The following ELFN1 variants were observed in gnomAD, a reference collection of about 807,000 sequenced individuals.
The protein encoded by ELFN1 is protein ELFN1.
In ELFN1, 6 loss-of-function variants were observed where a neutral mutation model predicts 7.6. The observed-to-expected ratio is 0.79, with a 90% CI of 0.43 to 1.56. ELFN1 has a LOEUF of 1.56. Ranked by LOEUF, ELFN1 falls within the 40% of genes most tolerant of loss-of-function variation. The pLI, the probability that ELFN1 is intolerant of heterozygous loss-of-function variation, is 0.01. For missense variants in ELFN1, 1,169 were observed against 1,232.2 expected (o/e 0.95, Z 0.77); for synonymous variants, 657 against 588.1 (o/e 1.12, Z -1.70).
intron 2 of ELFN1, among the ~76,000 whole-genome samples, chr7:1,696,972 C>G (rs372070975): frequency 2.0e-5 from 3 of 152,228 alleles, no homozygotes; most frequent in African/African-American, 7.2e-5. Context: ...AGGGACTGCT[C>G]GTCCCCTTTC....
intron 2 of ELFN1, among the ~76,000 whole-genome samples, chr7:1,696,939 A>T (rs1346141844): frequency 6.6e-6 from 1 of 152,182 alleles, no homozygotes; most frequent in African/African-American, 2.4e-5. Context: ...GCCACAGGAA[A>T]TGACCACGAG....
At chr7:1,690,148 G>A (rs1281747787) in intron 2 of ELFN1, among the ~76,000 whole-genome samples, 2 of 152,044 alleles carry the variant, frequency 1.3e-5, no homozygotes, top group African/African-American at 4.8e-5. Context: ...TGGATGGATG[G>A]ATGGATAGGT....
In ELFN1 at chr7:1,745,203, C is replaced by T. The variant is rs1365017441; in HGVS notation, c.607C>T (p.Arg203Cys). The change falls in exon 4 of 4, where the codon CGC becomes TGC. Residue 203 changes from arginine (R) to cysteine (C), a missense_variant. This residue lies in a region of ELFN1 where 255 missense variants were observed against 359.6 expected (regional missense o/e 0.71). Coordinates refer to ENST00000424383, the MANE Select transcript of ELFN1 (RefSeq NM_001128636.4). ...CTCCTGCGAGCTGCTGGGCTTCCTG[C>T]GCTGGCTGGCCGCCTTCACCAACGC... ...YCSCELLGFLRWLAAFTNATQ... is the reference protein window; with the variant it reads ...YCSCELLGFLCWLAAFTNATQ... 9 of 1,544,484 alleles carry T rather than the reference C, an allele frequency of 5.8e-6. No individual in the cohort carries two copies. The highest frequency in any genetic ancestry group is 7.8e-6 in the Non-Finnish European group (9 of 1,146,928).
chr7:1,675,667 C>T (rs1369904484), intron 1 of ELFN1, among the ~76,000 whole-genome samples: 1 of 152,242 alleles, frequency 6.6e-6, no homozygotes, highest in Admixed American at 6.5e-5. Context: ...GGGGGGCTCC[C>T]CAGACCCTCG....
In ELFN1 at chr7:1,747,843, GT is replaced by G. The variant is rs1046160046; in HGVS notation, c.*763del. On this transcript the variant is annotated 3_prime_UTR_variant, in exon 4 of 4. Coordinates refer to ENST00000424383, the MANE Select transcript of ELFN1 (RefSeq NM_001128636.4). Reference sequence around the variant, plus strand: ...AAAAAAATATTTCTATATTTGCAATGTTTGCTGTAAAATGAGAAAGAAAAAA... The same window carrying G: ...AAAAAAATATTTCTATATTTGCAATGTTGCTGTAAAATGAGAAAGAAAAAA... The G allele has an allele frequency of 1.9e-5, 3 of 156,620 alleles. No individual in the cohort carries two copies. The highest frequency in any genetic ancestry group is 4.5e-5 in the Non-Finnish European group (3 of 66,486). 9.7% of individuals were successfully genotyped at this position (156,620 alleles called of 1,614,324 possible).
intron 2 of ELFN1, among the ~76,000 whole-genome samples, chr7:1,702,870 G>A (rs986855847): frequency 2.6e-5 from 4 of 151,014 alleles, no homozygotes; most frequent in Admixed American, 2.0e-4. Flanking sequence ...CAGAGTGGTG[G>A]CAGCAAGTAT....
intron 1 of ELFN1, among the ~76,000 whole-genome samples, chr7:1,671,870 C>A (rs1465553291): frequency 1.1e-4 from 16 of 152,208 alleles, no homozygotes; most frequent in Non-Finnish European, 4.4e-5. Context: ...ACCCCCTCAC[C>A]TGGATTTGAG....
rs1780752873 is a variant in ELFN1 at position 1,745,495 on chromosome 7, C to T, written c.899C>T (p.Thr300Ile). 6.5e-7 allele frequency: 1 copy of T among 1,543,904 alleles called. No homozygotes were observed. The highest frequency in any genetic ancestry group is 8.7e-7 in the Non-Finnish European group (1 of 1,146,790). ...GATGAGTGCTTCTCCGGGGACGGCA[C>T]CACGCCACTGGTGGCCCTGCCCACG... Reference protein sequence around the residue: ...ADDECFSGDGTTPLVALPTLA... With the variant: ...ADDECFSGDGITPLVALPTLA... Residue 300 changes from threonine (T) to isoleucine (I), a missense_variant, in exon 4 of 4, where the codon ACC (threonine) becomes ATC (isoleucine). Around this residue, in one of 2 missense-constraint regions of ELFN1, gnomAD observed 914 missense variants for 872.6 expected, o/e 1.05. Transcript: ENST00000424383.
upstream of ELFN1, among the ~76,000 whole-genome samples, chr7:1,667,414 G>A (rs1274931801): frequency 6.6e-6 from 1 of 152,012 alleles, no homozygotes; most frequent in Non-Finnish European, 1.5e-5. This position sits in a 1 kb window ranked among gnomAD's most constrained non-coding sequence, Gnocchi z 8.2. Flanking sequence ...GGGCAGGGGG[G>A]ACCCGCGAAG....
intron 1 of ELFN1, among the ~76,000 whole-genome samples, chr7:1,687,008 C>T (rs190165215): frequency 6.1e-4 from 93 of 151,942 alleles, no homozygotes; most frequent in African/African-American, 2.1e-3. Flanking sequence ...TTCTGCCAGA[C>T]GAGAGTCTGT....
chr7:1,712,226 C>T (rs892154552), intron 3 of ELFN1, among the ~76,000 whole-genome samples: 4 of 152,182 alleles, frequency 2.6e-5, no homozygotes, highest in Non-Finnish European at 5.9e-5. Context: ...CTCTGTCGCC[C>T]AGGCTGGAGT....
At chr7:1,666,135 C>G (rs573019058), upstream of ELFN1, among the ~76,000 whole-genome samples, 1 of 152,180 alleles carries the variant, frequency 6.6e-6, no homozygotes, top group African/African-American at 2.4e-5. The surrounding 1 kb of genome is among the most constrained non-coding windows in gnomAD (Gnocchi z 7.9). Context: ...TCGCCCGCGA[C>G]AGTGCCTCCA....
intron 3 of ELFN1, among the ~76,000 whole-genome samples, chr7:1,734,144 G>A (rs1005005585): frequency 6.6e-6 from 1 of 152,206 alleles, no homozygotes; most frequent in African/African-American, 2.4e-5. Context: ...CCAGGGTTAT[G>A]AGGGCGTGAT....
chr7:1,739,474 G>C lies in ELFN1; in HGVS notation c.-293-4830G>C, dbSNP rs1021647619. Reference sequence around the variant, plus strand: ...GGGAACTTGGAGCAGCCACTTAGACGCAACGGGGGAGAATCTTCAAGTCGG... The same window carrying C: ...GGGAACTTGGAGCAGCCACTTAGACCCAACGGGGGAGAATCTTCAAGTCGG... On this transcript the variant is annotated intron_variant, in intron 3 of 3. Transcript: ENST00000424383. The surrounding 1 kb of genome is among the most constrained non-coding windows in gnomAD (Gnocchi z 4.6). 6.6e-6 allele frequency: 1 copy of C among 152,550 alleles called. No homozygotes were observed. The highest frequency in any genetic ancestry group is 1.5e-5 in the Non-Finnish European group (1 of 68,326). 9.4% of individuals were successfully genotyped at this position (152,550 alleles called of 1,614,324 possible). A position where few individuals can be genotyped will look rare whatever the true frequency, so the allele number is the denominator to read the frequency against.
At chr7:1,693,371 TG>T (rs1451687540) in intron 2 of ELFN1, 2 of 470,154 alleles carry the variant, frequency 4.3e-6, no homozygotes, top group Admixed American at 4.7e-5. Flanking sequence ...CCAGTGTGCC[TG>T]GACAGCCGTG....
Position 1,745,556 on chromosome 7 carries a change from G to A in ELFN1, c.960G>A (p.Lys320=). The A allele has an allele frequency of 1.3e-6, 2 of 1,549,912 alleles. No individual in the cohort carries two copies. Among genetic ancestry groups the A allele is most frequent in the Middle Eastern group, 1.7e-4 (1 of 5,992 alleles). Reference sequence around the variant, plus strand: ...AGGCCGAGGCCCGCCCCCTCATCAAGGTCAAGCAGCTCACTCAGAACTCGG... The same window carrying A: ...AGGCCGAGGCCCGCCCCCTCATCAAAGTCAAGCAGCTCACTCAGAACTCGG... ...ATQAEARPLI[K]VKQLTQNSAT... is the part of the protein sequence containing the mutation. Residue 320 remains lysine (K), a synonymous_variant, in exon 4 of 4, where the codon AAG becomes AAA. Transcript: ENST00000424383.
At chr7:1,736,874 G>T (rs1490590203) in intron 3 of ELFN1, among the ~76,000 whole-genome samples, 1 of 152,080 alleles carries the variant, frequency 6.6e-6, no homozygotes. Flanking sequence ...CCCAGGAGAG[G>T]GTTCTCAGGG....
At chr7:1,671,275 C>A (rs891319654) in intron 1 of ELFN1, among the ~76,000 whole-genome samples, 4 of 152,112 alleles carry the variant, frequency 2.6e-5, no homozygotes, top group Admixed American at 1.3e-4. Flanking sequence ...TCAGTTTCCA[C>A]ACCTGTGAAA....
rs757106703 is a variant in ELFN1 at position 1,746,759 on chromosome 7, ACCG to A, written c.2172_2174del (p.Pro726del). On this transcript the variant is annotated inframe_deletion, in exon 4 of 4. Transcript: ENST00000424383. ...CCGAGCCACCTGCGCCCCCCGGGCC[ACCG>A]CCGCCGCCTCCGCACGAGGGCCTGG... 1.1e-5 allele frequency: 16 copies of A among 1,502,698 alleles called. 1 individual carries two copies. The South Asian group carries it at 1.9e-4, about 18-fold the overall frequency. The allele number at this position is 1,502,698 out of a possible 1,614,324, so 93.1% of individuals were successfully genotyped here.
Sources: gnomAD v4.1 joint callset for allele counts (sites outside exome capture counted in the v4.1 genomes callset) on GRCh38, gnomAD v4.1.1 for gene constraint, gnomAD v4.1.1 regional missense constraint, Gnocchi (gnomAD v3.1) non-coding constraint, MANE v1.5 for transcripts, NCBI Gene and HGNC (gene_info 2026-07-23, HGNC 2026-07-21) for gene names.